Variants in PRUNE2 observed in about 807,000 individuals in gnomAD.
PRUNE2 encodes prune homolog 2 with BCH domain.
Under a neutral mutation model 252.0 loss-of-function variants are expected in PRUNE2, and 164 were observed. The ratio of observed to expected loss-of-function variants is 0.65; its 90% confidence interval spans 0.57 to 0.74. The LOEUF (loss-of-function observed/expected upper bound fraction) is 0.74, where lower values mean the gene tolerates loss of function less well. Among genes scored for constraint, PRUNE2 ranks in the 30% least tolerant of loss-of-function variants. PRUNE2 has a pLI of 0.00. For missense variants in PRUNE2, 3,495 were observed against 3,711.0 expected (o/e 0.94, Z 1.51); for synonymous variants, 1,292 against 1,350.2 (o/e 0.96, Z 0.94).
In PRUNE2 at chr9:76,611,414, C is replaced by G. The variant is rs200789549; in HGVS notation, c.*3156G>C. 3.9e-5 allele frequency: 6 copies of G among 152,250 alleles called. No homozygotes were observed. In the East Asian group the frequency reaches 1.2e-3, roughly 29 times the overall value. 9.4% of individuals were successfully genotyped at this position (152,250 alleles called of 1,614,324 possible). A position where few individuals can be genotyped will look rare whatever the true frequency, so the allele number is the denominator to read the frequency against. ...TTTATTTCTGAATTATACAGTGAGG[C>G]TATATAGATATATTGTGTCATTAAA... On this transcript the variant is annotated 3_prime_UTR_variant, in exon 19 of 19. Coordinates refer to ENST00000376718, the MANE Select transcript of PRUNE2 (RefSeq NM_015225.3).
intron 8 of PRUNE2, 133 bp from the exon 9 acceptor site, chr9:76,704,232 TTC>T (rs2046135647): frequency 2.5e-5 from 11 of 431,890 alleles, no homozygotes; most frequent in African/African-American, 2.1e-4. Flanking sequence ...TATTTATTCA[TTC>T]ATTCATTTGA....
intron 18 of PRUNE2, among the ~76,000 whole-genome samples, chr9:76,616,592 T>C (rs1194443426): frequency 6.6e-6 from 1 of 152,244 alleles, no homozygotes; most frequent in Non-Finnish European, 1.5e-5. Context: ...GTACTGACTT[T>C]TTTGTAAATC....
At chr9:76,837,721 A>T (rs2059109371) in intron 4 of PRUNE2, among the ~76,000 whole-genome samples, 1 of 151,562 alleles carries the variant, frequency 6.6e-6, no homozygotes, top group African/African-American at 2.4e-5. Flanking sequence ...TCATATTTTA[A>T]TTTTTTCATT....
chr9:76,615,832 C>T (rs181838876), intron 18 of PRUNE2, among the ~76,000 whole-genome samples: 50 of 117,058 alleles, frequency 4.3e-4, no homozygotes, highest in African/African-American at 1.3e-3. Context: ...CTCAGTGGTG[C>T]GATCTCGGCT....
At chr9:76,737,670 AAG>A (rs2135511303) in intron 6 of PRUNE2, 1 of 152,344 alleles carries the variant, frequency 6.6e-6, no homozygotes, top group East Asian at 1.9e-4. Flanking sequence ...AGGGAATACT[AAG>A]AGATTTCTTT....
chr9:76,792,841 A>G (rs2055686025), intron 6 of PRUNE2, among the ~76,000 whole-genome samples: 1 of 152,198 alleles, frequency 6.6e-6, no homozygotes. Flanking sequence ...ATGTAAACAT[A>G]TTTGTTTCTC....
intron 17 of PRUNE2, among the ~76,000 whole-genome samples, chr9:76,622,195 G>A (rs758384311): frequency 6.6e-6 from 1 of 152,146 alleles, no homozygotes; most frequent in Non-Finnish European, 1.5e-5. Flanking sequence ...CTATGTACCA[G>A]GCACGAGCAT....
At chr9:76,666,185 C>T (rs2040118321) in intron 9 of PRUNE2, among the ~76,000 whole-genome samples, 1 of 152,190 alleles carries the variant, frequency 6.6e-6, no homozygotes, top group South Asian at 2.1e-4. Flanking sequence ...CCTTGGAAGA[C>T]ACCCGTTGCC....
chr9:76,712,064 G>A (rs1047146632), intron 7 of PRUNE2, among the ~76,000 whole-genome samples: 2 of 152,048 alleles, frequency 1.3e-5, no homozygotes, highest in Non-Finnish European at 2.9e-5. Context: ...ATGGCCCCAC[G>A]GGATTAGTAG....
intron 6 of PRUNE2, among the ~76,000 whole-genome samples, chr9:76,761,838 ATTAT>A (rs1394285275): frequency 3.9e-5 from 6 of 152,218 alleles, no homozygotes; most frequent in African/African-American, 1.4e-4. Flanking sequence ...TTTGAGATAG[ATTAT>A]TTATAGCTTT....
chr9:76,704,796 T>G lies in PRUNE2; in HGVS notation c.7478A>C (p.Asp2493Ala), dbSNP rs935139790. 2 of 1,574,056 alleles carry G rather than the reference T, an allele frequency of 1.3e-6. No homozygotes were observed. The highest frequency in any genetic ancestry group is 1.7e-6 in the Non-Finnish European group (2 of 1,157,974). The stretch of plus-strand genomic sequence containing the variant: ...TCCTATGTCTCCACCTGCTGGTAAA[T>G]CAGAATTATCTGTTTCTACTTCCCA... Reference protein sequence around the residue: ...VDWEVETDNSDLPAGGDIGPP... With the variant: ...VDWEVETDNSALPAGGDIGPP... Residue 2493 changes from aspartate to alanine, a missense_variant, in exon 8 of 19, where the codon GAT becomes GCT. By Grantham distance (126) the Asp-to-Ala change is moderately radical (BLOSUM62 -2). Coordinates refer to ENST00000376718, the MANE Select transcript of PRUNE2 (RefSeq NM_015225.3).
chr9:76,757,873 A>G (rs983252496), intron 6 of PRUNE2, among the ~76,000 whole-genome samples: 32 of 152,222 alleles, frequency 2.1e-4, no homozygotes, highest in Non-Finnish European at 3.4e-4. Flanking sequence ...ACCCAAAAAA[A>G]GAGAGATTAG....
chr9:76,885,109 T>G lies in PRUNE2; in HGVS notation c.36+20819A>C, dbSNP rs1037004157. On this transcript the variant is annotated intron_variant, in intron 1 of 18. Transcript: ENST00000376718. ...GGAAGGAGTAAGGAGCTCCCCACTTTGAAACCATGCAGAATAAAGGGGGAA... is the reference window on the plus strand; with the variant it reads ...GGAAGGAGTAAGGAGCTCCCCACTTGGAAACCATGCAGAATAAAGGGGGAA... Among the ~76,000 whole-genome samples, 4 of 152,114 alleles carry G rather than the reference T, an allele frequency of 2.6e-5. No individual in the cohort carries two copies. The South Asian group carries it at 6.2e-4, about 24-fold the overall frequency.
chr9:76,711,966 C>T (rs1344717311), intron 7 of PRUNE2, among the ~76,000 whole-genome samples: 4 of 152,250 alleles, frequency 2.6e-5, no homozygotes, highest in African/African-American at 9.6e-5. Flanking sequence ...GGGACACTGA[C>T]GGATGGTCAG....
intron 4 of PRUNE2, among the ~76,000 whole-genome samples, chr9:76,843,066 A>G (rs1442841257): frequency 6.6e-6 from 1 of 152,244 alleles, no homozygotes; most frequent in Non-Finnish European, 1.5e-5. Context: ...ACTTGGAACC[A>G]ACCCAAATGC....
chr9:76,838,408 G>A (rs994174108), intron 4 of PRUNE2, among the ~76,000 whole-genome samples: 9 of 151,928 alleles, frequency 5.9e-5, no homozygotes, highest in African/African-American at 1.9e-4. Context: ...ACTTTGGGGG[G>A]CCGAGGCAGG....
In PRUNE2 at chr9:76,711,400, GTTGCACTTTGCAA is replaced by G. The variant is rs562037327; in HGVS notation, c.916-55_916-43del. On this transcript the variant is annotated intron_variant, in intron 7 of 18. Coordinates refer to ENST00000376718, the MANE Select transcript of PRUNE2 (RefSeq NM_015225.3). ...GAATTTGTGTCAGCACTCAAGCACTGTTGCACTTTGCAATTGCACTTTGCAATTTATCTCGCTT... is the reference window on the plus strand; with the variant it reads ...GAATTTGTGTCAGCACTCAAGCACTGTTGCACTTTGCAATTTATCTCGCTT... The G allele has an allele frequency of 2.7e-4, 373 of 1,385,186 alleles. 1 individual carries two copies. In the African/African-American group the frequency reaches 4.7e-3, roughly 17 times the overall value. The allele number at this position is 1,385,186 out of a possible 1,614,324, so 85.8% of individuals were successfully genotyped here.
intron 6 of PRUNE2, among the ~76,000 whole-genome samples, chr9:76,818,623 A>C (rs1236468704): frequency 6.6e-6 from 1 of 152,072 alleles, no homozygotes; most frequent in African/African-American, 2.4e-5. Context: ...AAGAGAGAAA[A>C]CGGCCCTGAA....
At chr9:76,713,024 G>C (rs1046762081) in intron 7 of PRUNE2, among the ~76,000 whole-genome samples, 3 of 152,008 alleles carry the variant, frequency 2.0e-5, no homozygotes, top group Non-Finnish European at 2.9e-5. Context: ...TAGTTATTAA[G>C]TACACCTGGC....
Sources: allele counts gnomAD v4.1 joint callset (sites outside exome capture counted in the v4.1 genomes callset), GRCh38; gene constraint gnomAD v4.1.1; transcripts MANE v1.5; gene names NCBI Gene and HGNC (gene_info 2026-07-23, HGNC 2026-07-21).